Variants in CCSER1 observed in about 807,000 individuals in gnomAD.
CCSER1 encodes the protein coiled-coil serine rich protein 1.
A neutral mutation model predicts 82.0 loss-of-function variants in CCSER1; 41 were observed. The observed-to-expected ratio is 0.50, with a 90% confidence interval of 0.39 to 0.65. CCSER1 has a LOEUF of 0.65. Among genes scored for constraint, CCSER1 ranks in the 30% least tolerant of loss-of-function variants. The pLI is 0.00. For synonymous variants in CCSER1, 414 were observed against 383.9 expected (o/e 1.08, Z -0.92); for missense variants, 1,119 against 1,064.2 (o/e 1.05, Z -0.72).
At chr4:90,336,724 C>G (rs1452690856) in intron 3 of CCSER1, among the ~76,000 whole-genome samples, 2 of 152,076 alleles carry the variant, frequency 1.3e-5, no homozygotes, top group African/African-American at 4.8e-5. Flanking sequence ...AGTAGCAATC[C>G]TGGTGATGAT....
chr4:91,165,844 C>T (rs1170328882), intron 10 of CCSER1, among the ~76,000 whole-genome samples: 1 of 152,214 alleles, frequency 6.6e-6, no homozygotes, highest in Non-Finnish European at 1.5e-5. Flanking sequence ...GTCATGGCTT[C>T]CCTTGGCTCG....
intron 5 of CCSER1, among the ~76,000 whole-genome samples, chr4:90,505,473 G>A (rs889296932): frequency 6.6e-6 from 1 of 152,186 alleles, no homozygotes; most frequent in African/African-American, 2.4e-5. Context: ...TCTTAATTTG[G>A]GGTCTTGGGG....
rs199658897 is a variant in CCSER1, at chr4:91,443,628, C to T, written c.2218-154944C>T. 1.0e-4 allele frequency among the ~76,000 whole-genome samples: 15 copies of T among 149,176 alleles called. No homozygotes were observed. The East Asian group carries it at 1.4e-3, about 14-fold the overall frequency. On this transcript the variant is annotated intron_variant, in intron 10 of 10. Coordinates refer to ENST00000509176, the MANE Select transcript of CCSER1 (RefSeq NM_001145065.2). ...ATGTAACTAACCTTCACATTGTGCA[C>T]GTGTACCCTAAAACTTAAAGTATAA...
intron 10 of CCSER1, among the ~76,000 whole-genome samples, chr4:91,118,911 T>C (rs183074088): frequency 2.0e-5 from 3 of 152,300 alleles, no homozygotes; most frequent in Admixed American, 6.5e-5. Flanking sequence ...CTTGATAATA[T>C]AGCCTCATTT....
At chr4:91,315,262 C>T (rs945668484) in intron 10 of CCSER1, among the ~76,000 whole-genome samples, 3 of 151,600 alleles carry the variant, frequency 2.0e-5, no homozygotes, top group Admixed American at 6.6e-5. Context: ...CCTCAGGAAA[C>T]GAGATGCAAA....
Position 90,309,500 on chromosome 4 carries a change from C to G in CCSER1, c.1216C>G (p.His406Asp). The part of the protein sequence containing the change: ...FYEQHKAIAE[H>D]VKGIHPISDS... ...TGAGCAACATAAAGCAATAGCGGAA[C>G]ATGTAAAAGGGATCCATCCTATTTC... Residue 406 changes from histidine to aspartate, a missense_variant, in exon 2 of 11, where the codon CAT (histidine) becomes GAT (aspartate). Transcript: ENST00000509176. 1 of 1,613,762 alleles carries G rather than the reference C, an allele frequency of 6.2e-7. No individual in the cohort carries two copies. The highest frequency in any genetic ancestry group is 8.5e-7 in the Non-Finnish European group (1 of 1,179,748).
chr4:90,643,343 T>A (rs1255830482), intron 6 of CCSER1, among the ~76,000 whole-genome samples: 2 of 152,190 alleles, frequency 1.3e-5, no homozygotes, highest in African/African-American at 4.8e-5. Context: ...AGATTCAGGA[T>A]TTGTCCTGGG....
chr4:90,612,504 T>C (rs1453999597), intron 5 of CCSER1, among the ~76,000 whole-genome samples: 2 of 152,192 alleles, frequency 1.3e-5, no homozygotes, highest in African/African-American at 4.8e-5. Context: ...TTATTAGATT[T>C]ATGACATATG....
At chr4:90,424,422 A>T (rs923726902) in intron 4 of CCSER1, among the ~76,000 whole-genome samples, 1 of 152,136 alleles carries the variant, frequency 6.6e-6, no homozygotes, top group African/African-American at 2.4e-5. Flanking sequence ...CAAAGGTAAA[A>T]TATGTATCAT....
At chr4:90,312,674 C>T (rs1005193241) in intron 2 of CCSER1, among the ~76,000 whole-genome samples, 189 bp from the exon 3 acceptor site, 1 of 152,094 alleles carries the variant, frequency 6.6e-6, no homozygotes, top group East Asian at 1.9e-4. Flanking sequence ...AAGGATGACT[C>T]CAAACGTTTT....
chr4:91,275,055 G>A (rs1031817401), intron 10 of CCSER1, among the ~76,000 whole-genome samples: 3 of 151,736 alleles, frequency 2.0e-5, no homozygotes, highest in African/African-American at 4.8e-5. Flanking sequence ...GCAGTGAGCC[G>A]AGATCGCGCC....
In CCSER1 at chr4:90,350,457, A is replaced by G. The variant is rs191532015; in HGVS notation, c.1509+37410A>G. Among the ~76,000 whole-genome samples the G allele has an allele frequency of 3.1e-3, 467 of 152,246 alleles. 3 individuals are homozygous for G. Among genetic ancestry groups the G allele is most frequent in the Non-Finnish European group, 3.8e-3 (261 of 67,948 alleles). ...GTAATTGGACAAGATGAAGAAATAA[A>G]AATTGGAAAGGAAGAGGTAAGATTG... On this transcript the variant is annotated intron_variant, in intron 3 of 10. Coordinates refer to ENST00000509176, the MANE Select transcript of CCSER1 (RefSeq NM_001145065.2).
At chr4:90,773,941 A>G (rs1580403789) in intron 7 of CCSER1, among the ~76,000 whole-genome samples, 1 of 152,180 alleles carries the variant, frequency 6.6e-6, no homozygotes, top group African/African-American at 2.4e-5. Flanking sequence ...ATGCAATGAC[A>G]TTCATTTTTT....
At chr4:90,874,348 C>T (rs1031840383) in intron 8 of CCSER1, among the ~76,000 whole-genome samples, 3 of 151,960 alleles carry the variant, frequency 2.0e-5, no homozygotes, top group Non-Finnish European at 4.4e-5. Flanking sequence ...ATGTAGCAAA[C>T]CTCTAAATTT....
intron 1 of CCSER1, among the ~76,000 whole-genome samples, chr4:90,133,025 A>T (rs1248125231): frequency 1.3e-5 from 2 of 152,164 alleles, no homozygotes; most frequent in African/African-American, 4.8e-5. Flanking sequence ...CCCACCACAG[A>T]CTGATTGATT....
At chr4:91,465,306 A>G (rs1054450809) in intron 10 of CCSER1, among the ~76,000 whole-genome samples, 1 of 152,180 alleles carries the variant, frequency 6.6e-6, no homozygotes, top group African/African-American at 2.4e-5. Flanking sequence ...TTTGAAATCA[A>G]TGGGAACAAG....
intron 7 of CCSER1, chr4:90,781,365 G>C (rs1379148411): frequency 2.0e-6 from 2 of 985,280 alleles, no homozygotes; most frequent in Non-Finnish European, 2.4e-6. Flanking sequence ...CTGTATCTGT[G>C]GAATCCTGGT....
At chr4:90,624,765 A>G (rs927401492) in intron 5 of CCSER1, among the ~76,000 whole-genome samples, 3 of 152,188 alleles carry the variant, frequency 2.0e-5, no homozygotes, top group Non-Finnish European at 2.9e-5. Flanking sequence ...AAAAGTCTGT[A>G]TGTCTCAAAC....
At chr4:90,845,902 A>G (rs1302274329) in intron 8 of CCSER1, among the ~76,000 whole-genome samples, 1 of 151,938 alleles carries the variant, frequency 6.6e-6, no homozygotes, top group Non-Finnish European at 1.5e-5. Flanking sequence ...ATTCTGCAGT[A>G]CATTTCCAAG....
Sources: gnomAD v4.1 joint callset for allele counts (sites outside exome capture counted in the v4.1 genomes callset) on GRCh38, gnomAD v4.1.1 for gene constraint, MANE v1.5 for transcripts, NCBI Gene and HGNC (gene_info 2026-07-23, HGNC 2026-07-21) for gene names.